F8: variants seen among roughly 807,000 people sequenced by gnomAD.
F8 encodes coagulation factor VIII.
F8 carries 12 observed loss-of-function variants against 140.6 expected under a neutral mutation model. The observed-to-expected ratio is 0.09, with a 90% CI of 0.05 to 0.14. The LOEUF is 0.14. F8 is among the 10% of genes least tolerant of loss of function. The probability of loss-of-function intolerance (pLI) is 1.00; values close to 1 mark genes in which losing one functional copy is unlikely to be tolerated. For missense variants in F8, 1,354 were observed against 1,720.7 expected (o/e 0.79, Z 3.77); for synonymous variants, 585 against 614.6 (o/e 0.95, Z 0.71).
At chrX:154,995,761 A>T (rs1030519223) in intron 3 of F8, among the ~76,000 whole-genome samples, 7 of 112,593 alleles carry the variant, frequency 6.2e-5, no homozygotes, top group African/African-American at 1.9e-4. Context: ...AAGCATTTCA[A>T]CTTGTACTTA....
At chrX:154,927,270 C>T (rs1326870142) in intron 14 of F8, among the ~76,000 whole-genome samples, 5 of 111,172 alleles carry the variant, frequency 4.5e-5, no homozygotes, top group African/African-American at 1.6e-4. Context: ...TATTTTAAGA[C>T]GGTTTCTGTA....
At chrX:154,876,254 G>C (rs1270992236) in intron 22 of F8, among the ~76,000 whole-genome samples, 3 of 108,434 alleles carry the variant, frequency 2.8e-5, no homozygotes, top group Non-Finnish European at 3.8e-5. Context: ...CGAGTAGCTG[G>C]GACTACAGGC....
At chrX:154,908,141 T>C (rs187720222) in intron 14 of F8, among the ~76,000 whole-genome samples, 98 of 112,182 alleles carry the variant, frequency 8.7e-4, no homozygotes, top group African/African-American at 3.0e-3. Flanking sequence ...TTTTTGTGTA[T>C]GGTGTGAGTT....
intron 6 of F8, among the ~76,000 whole-genome samples, chrX:154,980,925 C>T (rs782371364): frequency 8.9e-6 from 1 of 112,213 alleles, no homozygotes; most frequent in South Asian, 3.7e-4. Flanking sequence ...AATCTATGAT[C>T]GCACCACTGC....
At chrX:154,855,652 C>T (rs782769201) in intron 25 of F8, among the ~76,000 whole-genome samples, 2 of 111,151 alleles carry the variant, frequency 1.8e-5, no homozygotes, top group Non-Finnish European at 3.8e-5. Context: ...GGCAGTATCT[C>T]TACTCCAGTC....
intron 5 of F8, among the ~76,000 whole-genome samples, chrX:154,986,974 T>A (rs2073561867): frequency 9.0e-6 from 1 of 111,572 alleles, no homozygotes; most frequent in Non-Finnish European, 1.9e-5. Context: ...AGAGAAAGTA[T>A]TTAGAAAGTA....
chrX:154,923,588 G>A (rs1447671876), intron 14 of F8, among the ~76,000 whole-genome samples: 5 of 112,247 alleles, frequency 4.5e-5, no homozygotes, highest in Admixed American at 9.4e-5. Context: ...TGTAATCCCA[G>A]TGCTTTGGGA....
intron 10 of F8, among the ~76,000 whole-genome samples, chrX:154,960,114 T>C (rs1408668398): frequency 8.9e-6 from 1 of 112,040 alleles, no homozygotes; most frequent in Non-Finnish European, 1.9e-5. Flanking sequence ...CAATCCATGA[T>C]TGGAAAATAT....
chrX:154,968,314 A>G (rs1557282226), intron 7 of F8, among the ~76,000 whole-genome samples: 1 of 111,209 alleles, frequency 9.0e-6, no homozygotes, highest in African/African-American at 3.3e-5. Context: ...CCCTTTTGTC[A>G]TATAATGCCT....
chrX:154,915,274 T>A (rs782543395), intron 14 of F8, among the ~76,000 whole-genome samples: 3 of 112,038 alleles, frequency 2.7e-5, no homozygotes, highest in Non-Finnish European at 5.6e-5. Flanking sequence ...CAATTCAAGA[T>A]GAGATTTGGG....
At chrX:154,955,220 G>A (rs1423028953) in intron 11 of F8, among the ~76,000 whole-genome samples, 1 of 76,770 alleles carries the variant, frequency 1.3e-5, no homozygotes, top group East Asian at 4.5e-4. Context: ...TTGTCATCCA[G>A]GCTCACTGCA....
intron 22 of F8, among the ~76,000 whole-genome samples, chrX:154,894,112 T>C (rs1482338127): frequency 9.0e-6 from 1 of 111,441 alleles, no homozygotes; most frequent in Non-Finnish European, 1.9e-5. Context: ...CCAGGTTGAG[T>C]TGTCCCGCCT....
intron 25 of F8, among the ~76,000 whole-genome samples, chrX:154,860,009 G>GA (rs1375097045): frequency 1.8e-5 from 2 of 111,507 alleles, no homozygotes; most frequent in Non-Finnish European, 3.8e-5. Flanking sequence ...AATTCTTGGT[G>GA]AAAAAAGAAT....
intron 25 of F8, among the ~76,000 whole-genome samples, chrX:154,846,649 C>T (rs782707721): frequency 4.5e-5 from 5 of 111,790 alleles, no homozygotes; most frequent in Non-Finnish European, 7.5e-5. Context: ...GATCTTCCTC[C>T]ATCCCTTTAT....
chrX:154,888,380 A>ATTT (rs782710109), intron 22 of F8, among the ~76,000 whole-genome samples: 260 of 22,223 alleles, frequency 0.012, 35 homozygotes, highest in African/African-American at 0.077. Flanking sequence ...TGTAATAGGG[A>ATTT]TTTTTTTTTT....
chrX:154,928,120 GTGAC>G (rs1412812032), intron 14 of F8, among the ~76,000 whole-genome samples: 34 of 111,396 alleles, frequency 3.1e-4, no homozygotes, highest in African/African-American at 8.5e-4. Context: ...ATAAATATTT[GTGAC>G]TGACTGACTC....
intron 25 of F8, among the ~76,000 whole-genome samples, chrX:154,856,740 T>C (rs2148564821): frequency 8.9e-6 from 1 of 112,137 alleles, no homozygotes; most frequent in African/African-American, 3.2e-5. Context: ...ACTGCCACTC[T>C]TTCTCTCAGC....
intron 14 of F8, among the ~76,000 whole-genome samples, chrX:154,913,465 G>A (rs1452288159): frequency 5.4e-5 from 6 of 111,556 alleles, no homozygotes; most frequent in Non-Finnish European, 1.1e-4. Context: ...TAACCCAAAA[G>A]TCCAAGTCCA....
intron 11 of F8, among the ~76,000 whole-genome samples, chrX:154,955,068 C>G (rs923825757): frequency 2.9e-5 from 3 of 102,737 alleles, no homozygotes; most frequent in African/African-American, 1.1e-4. Context: ...GAGAATTTAG[C>G]TTTATTTTTT....
Sources: allele counts gnomAD v4.1 joint callset (sites outside exome capture counted in the v4.1 genomes callset), GRCh38; gene constraint gnomAD v4.1.1; transcripts MANE v1.5; gene names NCBI Gene and HGNC (gene_info 2026-07-23, HGNC 2026-07-21).